Variants in GALNT17 observed in about 807,000 individuals in gnomAD.
GALNT17 encodes UDP-GalNAc:polypeptide N-acetylgalactosaminyltransferase-like 3.
In GALNT17, 29 loss-of-function variants were observed where a neutral mutation model predicts 63.7. The observed-to-expected ratio is 0.46, with a 90% CI of 0.34 to 0.62. The LOEUF (loss-of-function observed/expected upper bound fraction) is 0.62, where lower values mean the gene tolerates loss of function less well. GALNT17 is among the 20% of genes least tolerant of loss of function. The probability of loss-of-function intolerance (pLI) is 0.01; values close to 1 mark genes in which losing one functional copy is unlikely to be tolerated. For missense variants in GALNT17, 603 were observed against 799.6 expected (o/e 0.75, Z 2.97); for synonymous variants, 305 against 318.3 (o/e 0.96, Z 0.45).
intron 3 of GALNT17, among the ~76,000 whole-genome samples, chr7:71,390,631 C>T (rs1165660680): frequency 6.6e-6 from 1 of 152,148 alleles, no homozygotes; most frequent in East Asian, 1.9e-4. Flanking sequence ...CTGCACCTAC[C>T]ACAGACCTCT....
At chr7:71,692,709 T>C (rs572098756) in intron 9 of GALNT17, among the ~76,000 whole-genome samples, 11 of 149,594 alleles carry the variant, frequency 7.4e-5, no homozygotes, top group African/African-American at 2.7e-4. Context: ...TGTATATAAG[T>C]ACTTTTTAAT....
chr7:71,665,730 G>A lies in GALNT17; in HGVS notation c.1266+134G>A, dbSNP rs1305505030. Reference sequence around the variant, plus strand: ...GAAAAATTATGAATGCATTTCAAAGGGATTCACAGATGTCTCAGCTTTAGA... The same window carrying A: ...GAAAAATTATGAATGCATTTCAAAGAGATTCACAGATGTCTCAGCTTTAGA... On this transcript the variant is annotated intron_variant, in intron 7 of 10. Transcript: ENST00000333538. The A allele has an allele frequency of 5.9e-6, 6 of 1,021,216 alleles. No individual in the cohort carries two copies. In the African/African-American group the frequency reaches 8.3e-5, roughly 14 times the overall value. 63.3% of individuals were successfully genotyped at this position (1,021,216 alleles called of 1,614,324 possible). A position where few individuals can be genotyped will look rare whatever the true frequency, so the allele number is the denominator to read the frequency against.
At chr7:71,575,648 A>T (rs1029891289) in intron 6 of GALNT17, among the ~76,000 whole-genome samples, 5 of 152,100 alleles carry the variant, frequency 3.3e-5, no homozygotes, top group Non-Finnish European at 5.9e-5. Context: ...TCGGCCTCCC[A>T]AAATGCTGGG....
chr7:71,690,170 G>T (rs1584140458), intron 9 of GALNT17, among the ~76,000 whole-genome samples: 1 of 152,054 alleles, frequency 6.6e-6, no homozygotes, highest in East Asian at 1.9e-4. Flanking sequence ...GACTACAGGT[G>T]CGCACCATCA....
chr7:71,223,914 A>G (rs1394953928), intron 1 of GALNT17, among the ~76,000 whole-genome samples: 1 of 152,180 alleles, frequency 6.6e-6, no homozygotes, highest in African/African-American at 2.4e-5. Flanking sequence ...TTATGGCTGC[A>G]TAATATTCTG....
At chr7:71,208,960 C>T (rs1340076081) in intron 1 of GALNT17, among the ~76,000 whole-genome samples, 3 of 152,070 alleles carry the variant, frequency 2.0e-5, no homozygotes, top group Non-Finnish European at 4.4e-5. Context: ...GCAGACTTCT[C>T]CTGAAACAGG....
chr7:71,638,576 C>T (rs1170201361), intron 6 of GALNT17, among the ~76,000 whole-genome samples: 1 of 152,156 alleles, frequency 6.6e-6, no homozygotes, highest in African/African-American at 2.4e-5. Flanking sequence ...GATACAGACA[C>T]GGCATGGGTA....
At chr7:71,695,794 C>T (rs1562740048) in intron 9 of GALNT17, among the ~76,000 whole-genome samples, 1 of 152,180 alleles carries the variant, frequency 6.6e-6, no homozygotes, top group East Asian at 1.9e-4. Flanking sequence ...TGTCTACAGG[C>T]CCCTGGAGAC....
At chr7:71,711,764 TTTGTCTCG>T (rs1008671904) in intron 10 of GALNT17, among the ~76,000 whole-genome samples, 8 of 151,300 alleles carry the variant, frequency 5.3e-5, no homozygotes, top group African/African-American at 1.2e-4. Flanking sequence ...TCTTTGTCTC[TTTGTCTCG>T]TTCTCTCTCC....
intron 2 of GALNT17, among the ~76,000 whole-genome samples, chr7:71,349,233 TAACAA>T (rs752719567): frequency 0.15 from 23,088 of 152,106 alleles, 2,541 homozygotes; most frequent in African/African-American, 0.32. Flanking sequence ...GGTGCTTTCG[TAACAA>T]GCTGAGATTT....
At chr7:71,143,301 C>A (rs1391725672) in intron 1 of GALNT17, among the ~76,000 whole-genome samples, 1 of 146,588 alleles carries the variant, frequency 6.8e-6, no homozygotes, top group Non-Finnish European at 1.5e-5. Flanking sequence ...GGGCACCCGT[C>A]ATCCCAGTTA....
rs765205491 is a variant in GALNT17 at position 71,199,059 on chromosome 7, C to T, written c.238+66019C>T. Among the ~76,000 whole-genome samples, 8 of 152,066 alleles carry T rather than the reference C, an allele frequency of 5.3e-5. 1 individual carries two copies. Among genetic ancestry groups the T allele is most frequent in the Non-Finnish European group, 1.2e-4 (8 of 68,026 alleles). On this transcript the variant is annotated intron_variant, in intron 1 of 10. Transcript: ENST00000333538. ...AATACTTTGAGAACCTCTATGTGGCCGCGGCCTCTATCAGAGCATAACCGG... is the reference window on the plus strand; with the variant it reads ...AATACTTTGAGAACCTCTATGTGGCTGCGGCCTCTATCAGAGCATAACCGG...
intron 5 of GALNT17, among the ~76,000 whole-genome samples, chr7:71,429,637 G>A (rs907239125): frequency 2.0e-5 from 3 of 152,124 alleles, no homozygotes; most frequent in African/African-American, 7.2e-5. Context: ...CCAACTCCTG[G>A]GCTCAAGCGA....
chr7:71,395,017 A>C (rs1489322069), intron 3 of GALNT17, among the ~76,000 whole-genome samples: 1 of 151,994 alleles, frequency 6.6e-6, no homozygotes, highest in Non-Finnish European at 1.5e-5. Flanking sequence ...CAGGAGAATC[A>C]CTTGAACCTG....
At chr7:71,472,788 A>G (rs2116619391) in intron 5 of GALNT17, among the ~76,000 whole-genome samples, 1 of 152,364 alleles carries the variant, frequency 6.6e-6, no homozygotes, top group Admixed American at 6.5e-5. Context: ...CCCTCAGTCC[A>G]AATAATCCTT....
At chr7:71,378,264 T>C (rs1263918770) in intron 2 of GALNT17, among the ~76,000 whole-genome samples, 2 of 152,152 alleles carry the variant, frequency 1.3e-5, no homozygotes, top group Admixed American at 6.5e-5. Flanking sequence ...CTCAGCAAAG[T>C]GTGCATTTTT....
At chr7:71,209,594 C>A (rs1395889643) in intron 1 of GALNT17, among the ~76,000 whole-genome samples, 1 of 152,184 alleles carries the variant, frequency 6.6e-6, no homozygotes, top group Non-Finnish European at 1.5e-5. Context: ...CTCCCAGGCT[C>A]AAGCGATTCT....
intron 5 of GALNT17, among the ~76,000 whole-genome samples, chr7:71,552,587 C>T (rs1015458501): frequency 1.4e-4 from 21 of 151,676 alleles, no homozygotes; most frequent in African/African-American, 4.8e-4. Context: ...ACTACAGGCC[C>T]GTGCCACCAC....
chr7:71,566,211 T>C (rs1398107046), intron 5 of GALNT17, among the ~76,000 whole-genome samples: 1 of 152,158 alleles, frequency 6.6e-6, no homozygotes, highest in Non-Finnish European at 1.5e-5. Context: ...ATTGGGTTGA[T>C]GCTGATGCAG....
Sources: gnomAD v4.1 joint callset for allele counts (sites outside exome capture counted in the v4.1 genomes callset) on GRCh38, gnomAD v4.1.1 for gene constraint, MANE v1.5 for transcripts, NCBI Gene and HGNC (gene_info 2026-07-23, HGNC 2026-07-21) for gene names.